The following CCDC62 variants were observed in gnomAD, a reference collection of about 807,000 sequenced individuals.
The protein encoded by CCDC62 is coiled-coil domain containing 62.
A neutral mutation model predicts 80.8 loss-of-function variants in CCDC62; 72 were observed. The observed-to-expected ratio is 0.89, with a 90% CI of 0.74 to 1.08. The LOEUF (loss-of-function observed/expected upper bound fraction) is 1.08, where lower values mean the gene tolerates loss of function less well. CCDC62 is among the 50% of genes least tolerant of loss of function. CCDC62 has a pLI of 0.00. For missense variants in CCDC62, 704 were observed against 809.4 expected (o/e 0.87, Z 1.58); for synonymous variants, 286 against 296.5 (o/e 0.96, Z 0.36).
Position 122,785,785 on chromosome 12 carries a change from C to G in CCDC62, c.463C>G (p.Arg155Gly). ...TGCCCAGGTAGGACAGCTACAAGCTCGAGAACAAGCTCTTACGACAATGAT... is the reference window on the plus strand; with the variant it reads ...TGCCCAGGTAGGACAGCTACAAGCTGGAGAACAAGCTCTTACGACAATGAT... ...LSAQVGQLQAREQALTTMIKL... is the reference protein window; with the variant it reads ...LSAQVGQLQAGEQALTTMIKL... Residue 155 changes from arginine to glycine, a missense_variant, in exon 4 of 13, where the codon CGA becomes GGA. Arg to Gly is a moderately radical substitution (Grantham distance 125). Transcript: ENST00000253079. 6.2e-7 allele frequency: 1 copy of G among 1,613,100 alleles called. No homozygotes were observed. Among genetic ancestry groups the G allele is most frequent in the Non-Finnish European group, 8.5e-7 (1 of 1,179,120 alleles).
intron 2 of CCDC62, among the ~76,000 whole-genome samples, chr12:122,779,781 G>C (rs1395710122): frequency 2.6e-5 from 4 of 151,934 alleles, no homozygotes; most frequent in Non-Finnish European, 5.9e-5. Flanking sequence ...GCTGGCTCAT[G>C]CCTGTAATCC....
At chr12:122,812,777 G>GAGAGAGAAAGAAAGAA (rs750420995) in intron 10 of CCDC62, among the ~76,000 whole-genome samples, 28 of 57,774 alleles carry the variant, frequency 4.8e-4, no homozygotes, top group African/African-American at 1.9e-3. Flanking sequence ...GAGAGAGAGA[G>GAGAGAGAAAGAAAGAA]AGAAAGAAAG....
At chr12:122,825,369 A>T (rs2032575540) in intron 12 of CCDC62, among the ~76,000 whole-genome samples, 1 of 100,864 alleles carries the variant, frequency 9.9e-6, no homozygotes, top group African/African-American at 3.9e-5. Context: ...TTTTTGAGAC[A>T]GAGTTTTGCT....
At chr12:122,792,699 A>G (rs942754804) in intron 6 of CCDC62, among the ~76,000 whole-genome samples, 5 of 151,996 alleles carry the variant, frequency 3.3e-5, no homozygotes, top group Admixed American at 2.0e-4. Context: ...TTATATTTTT[A>G]GTAGAGACGG....
At chr12:122,774,900 T>C (rs1879321428) in intron 1 of CCDC62, among the ~76,000 whole-genome samples, 194 bp downstream of exon 1, 4 of 149,560 alleles carry the variant, frequency 2.7e-5, no homozygotes, top group Admixed American at 2.0e-4. Flanking sequence ...CCATCCTGGC[T>C]AACACAGTGA....
chr12:122,802,988 C>T (rs139251247), intron 9 of CCDC62, among the ~76,000 whole-genome samples: 15 of 152,226 alleles, frequency 9.9e-5, no homozygotes, highest in African/African-American at 3.4e-4. Flanking sequence ...TATGATGGTG[C>T]CACTGCACTC....
chr12:122,784,860 G>A (rs116518454), intron 3 of CCDC62, among the ~76,000 whole-genome samples: 3 of 150,048 alleles, frequency 2.0e-5, no homozygotes, highest in Admixed American at 2.0e-4. Flanking sequence ...AAAACAAAAG[G>A]CCAGGTGCAG....
At chr12:122,795,675 T>C (rs560484537) in intron 6 of CCDC62, among the ~76,000 whole-genome samples, 178 of 152,232 alleles carry the variant, frequency 1.2e-3, no homozygotes, top group Middle Eastern at 3.4e-3. Flanking sequence ...CTGCCCACCT[T>C]GGCCTCCCAA....
intron 12 of CCDC62, among the ~76,000 whole-genome samples, chr12:122,824,347 C>T (rs1355734365): frequency 2.0e-5 from 3 of 151,976 alleles, no homozygotes; most frequent in African/African-American, 7.3e-5. Flanking sequence ...ACCTGGGAGG[C>T]GGAGGTTGCA....
Position 122,800,164 on chromosome 12 carries a change from CTTTTT to C in CCDC62, c.978-940_978-936del, listed in dbSNP as rs59113229. ...AGGCATGCGCCACCATGCCCGGCTACTTTTTTTTTTTTTTTTTTTTTTTTGTACAT... is the reference window on the plus strand; with the variant it reads ...AGGCATGCGCCACCATGCCCGGCTACTTTTTTTTTTTTTTTTTTTGTACAT... On this transcript the variant is annotated intron_variant, in intron 8 of 12. Transcript: ENST00000253079. Among the ~76,000 whole-genome samples the C allele has an allele frequency of 5.6e-3, 591 of 104,952 alleles. 5 individuals are homozygous for C. The highest frequency in any genetic ancestry group is 0.022 in the African/African-American group (564 of 25,974). 68.9% of individuals were successfully genotyped at this position (104,952 alleles called of 152,430 possible). A position where few individuals can be genotyped will look rare whatever the true frequency, so the allele number is the denominator to read the frequency against.
At chr12:122,824,043 C>T (rs959277324) in intron 12 of CCDC62, among the ~76,000 whole-genome samples, 10 of 152,046 alleles carry the variant, frequency 6.6e-5, no homozygotes, top group Non-Finnish European at 1.5e-4. Flanking sequence ...GAAGTGAATA[C>T]ATAGACACAG....
chr12:122,798,140 C>A lies in CCDC62; in HGVS notation c.917C>A (p.Ser306Tyr), dbSNP rs1229439242. 4 of 1,599,950 alleles carry A rather than the reference C, an allele frequency of 2.5e-6. No homozygotes were observed. The highest frequency in any genetic ancestry group is 3.4e-6 in the Non-Finnish European group (4 of 1,167,468). The change falls in exon 8 of 13, where the codon TCT becomes TAT. Residue 306 changes from serine (S) to tyrosine (Y), a missense_variant. Transcript: ENST00000253079. ...TTTCTTAATTTCAATGTGGAAAATT[C>A]TCAGGAATTAATACAGATGTATGAC... The part of the protein sequence containing the change: ...LQFLNFNVEN[S>Y]QELIQMYDSK...
intron 11 of CCDC62, among the ~76,000 whole-genome samples, chr12:122,817,000 G>A (rs751975387): frequency 6.6e-6 from 1 of 151,066 alleles, no homozygotes; most frequent in Non-Finnish European, 1.5e-5. Context: ...CATGAACTTT[G>A]ATGGAATAAA....
chr12:122,812,756 GGA>G lies in CCDC62; in HGVS notation c.1852-491_1852-490del, dbSNP rs551370561. ...AAAAAAGAAAGAGAGAGAGAGGGAG[GGA>G]GAGAGAGAGAGAGAGAGAGAGAAAG... On this transcript the variant is annotated intron_variant, in intron 10 of 12. Coordinates refer to ENST00000253079, the MANE Select transcript of CCDC62 (RefSeq NM_201435.5). 1.2e-3 allele frequency among the ~76,000 whole-genome samples: 107 copies of G among 88,832 alleles called. 2 individuals are homozygous for G. The East Asian group carries it at 0.016, about 14-fold the overall frequency. 58.3% of individuals were successfully genotyped at this position (88,832 alleles called of 152,430 possible).
At chr12:122,817,744 C>T (rs1251035282) in intron 11 of CCDC62, among the ~76,000 whole-genome samples, 1 of 152,198 alleles carries the variant, frequency 6.6e-6, no homozygotes, top group Non-Finnish European at 1.5e-5. Context: ...GAGATATAAT[C>T]AATCACTCCC....
chr12:122,819,862 C>T (rs933898796), intron 11 of CCDC62, among the ~76,000 whole-genome samples: 2 of 151,650 alleles, frequency 1.3e-5, no homozygotes, highest in African/African-American at 4.8e-5. Context: ...CGAGACCAGC[C>T]TGGGCAACAT....
At chr12:122,797,887 A>G (rs1472270652) in intron 7 of CCDC62, among the ~76,000 whole-genome samples, 198 bp from the exon 8 acceptor site, 1 of 152,174 alleles carries the variant, frequency 6.6e-6, no homozygotes, top group Non-Finnish European at 1.5e-5. Context: ...GTGGTGATCA[A>G]AGGCTGGGAG....
At chr12:122,806,546 G>A (rs2031617342) in intron 10 of CCDC62, among the ~76,000 whole-genome samples, 2 of 151,582 alleles carry the variant, frequency 1.3e-5, no homozygotes, top group South Asian at 2.1e-4. Context: ...TGGTGCAATC[G>A]TGGCTCACTG....
intron 2 of CCDC62, 63 bp downstream of exon 2, chr12:122,777,746 A>C: frequency 1.9e-5 from 27 of 1,443,316 alleles, no homozygotes; most frequent in South Asian, 2.4e-5. Context: ...TGATGGGCTC[A>C]TAGGGAAGAT....
Sources: allele counts gnomAD v4.1 joint callset (sites outside exome capture counted in the v4.1 genomes callset), GRCh38; gene constraint gnomAD v4.1.1; transcripts MANE v1.5; gene names NCBI Gene and HGNC (gene_info 2026-07-23, HGNC 2026-07-21).